The following CA5A variants were observed in gnomAD, a reference collection of about 807,000 sequenced individuals.
CA5A encodes carbonic anhydrase 5A.
Under a neutral mutation model 37.1 loss-of-function variants are expected in CA5A, and 28 were observed. The observed-to-expected ratio is 0.75, with a 90% confidence interval of 0.56 to 1.03. The LOEUF is 1.03. CA5A is among the 50% of genes least tolerant of loss of function. CA5A has a pLI of 0.00. For missense variants in CA5A, 444 were observed against 399.9 expected (o/e 1.11, Z -0.94); for synonymous variants, 171 against 158.4 (o/e 1.08, Z -0.60).
chr16:87,894,573 TAA>T (rs55721035), intron 5 of CA5A, among the ~76,000 whole-genome samples: 18 of 144,730 alleles, frequency 1.2e-4, no homozygotes, highest in African/African-American at 2.5e-4. Context: ...TCCAGTTAAT[TAA>T]AAAAAAAAAA....
At chr16:87,900,467 C>G (rs529608862) in intron 5 of CA5A, among the ~76,000 whole-genome samples, 1 of 152,374 alleles carries the variant, frequency 6.6e-6, no homozygotes, top group African/African-American at 2.4e-5. Context: ...TCCATCTGGA[C>G]CAGCCTCCAC....
intron 5 of CA5A, among the ~76,000 whole-genome samples, chr16:87,893,924 T>C (rs1473075424): frequency 6.6e-6 from 1 of 151,990 alleles, no homozygotes; most frequent in African/African-American, 2.4e-5. Flanking sequence ...ACACCAGGGT[T>C]TAAAATTAAT....
downstream of CA5A, chr16:87,887,605 G>C (rs2055658908): frequency 2.0e-5 from 3 of 153,404 alleles, no homozygotes; most frequent in African/African-American, 4.8e-5. Flanking sequence ...TATAGAGATG[G>C]GGTTTCACCG....
intron 6 of CA5A, among the ~76,000 whole-genome samples, chr16:87,889,070 C>A (rs1391809369): frequency 6.6e-6 from 1 of 152,104 alleles, no homozygotes; most frequent in Non-Finnish European, 1.5e-5. Context: ...CAGGCATGCA[C>A]CACCATGCCC....
At chr16:87,927,938 G>T (rs551456113) in intron 1 of CA5A, among the ~76,000 whole-genome samples, 2 of 151,778 alleles carry the variant, frequency 1.3e-5, no homozygotes, top group East Asian at 3.9e-4. Context: ...GTGTGTGTCT[G>T]CCCCACCTGT....
intron 1 of CA5A, among the ~76,000 whole-genome samples, chr16:87,933,243 A>G (rs927292871): frequency 1.3e-5 from 2 of 152,262 alleles, no homozygotes; most frequent in African/African-American, 4.8e-5. Context: ...AGGGTTTGCC[A>G]ATGACTGTGG....
chr16:87,914,752 G>A (rs554098138), intron 2 of CA5A, among the ~76,000 whole-genome samples: 1 of 152,316 alleles, frequency 6.6e-6, no homozygotes, highest in African/African-American at 2.4e-5. Context: ...AGGTGGTCAG[G>A]ACCTCAGCTG....
At chr16:87,889,719 C>T (rs1435665114) in intron 6 of CA5A, among the ~76,000 whole-genome samples, 2 of 151,572 alleles carry the variant, frequency 1.3e-5, no homozygotes, top group Non-Finnish European at 2.9e-5. Flanking sequence ...TTGTGGTGAG[C>T]GAGATCACGC....
intron 1 of CA5A, among the ~76,000 whole-genome samples, chr16:87,931,484 G>A (rs796341915): frequency 1.3e-5 from 2 of 152,308 alleles, no homozygotes; most frequent in South Asian, 4.1e-4. Flanking sequence ...AACCCTGGCG[G>A]CTCTCCCCAC....
chr16:87,905,747 C>T (rs144827312), intron 2 of CA5A, among the ~76,000 whole-genome samples: 66 of 152,358 alleles, frequency 4.3e-4, no homozygotes, highest in Middle Eastern at 3.4e-3. Context: ...CACCACAGGG[C>T]CAGCTTTTAT....
intron 1 of CA5A, among the ~76,000 whole-genome samples, chr16:87,935,150 C>T (rs1845737415): frequency 6.6e-6 from 1 of 152,210 alleles, no homozygotes. Flanking sequence ...GGGTCTGGCT[C>T]CTAAGCCCAT....
chr16:87,883,149 T>G (rs908168555), downstream of CA5A: 3 of 152,060 alleles, frequency 2.0e-5, no homozygotes, highest in Admixed American at 1.3e-4. Context: ...GCCTCCACAG[T>G]AGCTGGGATT....
Position 87,926,647 on chromosome 16 carries a change from C to T in CA5A, c.340+101G>A, listed in dbSNP as rs1358053903. ...CCCTGCCCCAGCAGCACAAGGAAAG[C>T]AGCACCTTCCTGCTCTCCTCCCCCT... On this transcript the variant is annotated intron_variant, in intron 2 of 6. Transcript: ENST00000649794. 4 of 906,472 alleles carry T rather than the reference C, an allele frequency of 4.4e-6. No homozygotes were observed. In the African/African-American group the frequency reaches 4.9e-5, roughly 11 times the overall value. 56.2% of individuals were successfully genotyped at this position (906,472 alleles called of 1,614,324 possible).
Position 87,911,038 on chromosome 16 carries a change from T to C in CA5A, c.341-6134A>G, listed in dbSNP as rs1254761160. 6.6e-6 allele frequency among the ~76,000 whole-genome samples: 1 copy of C among 150,450 alleles called. No individual in the cohort carries two copies. Among genetic ancestry groups the C allele is most frequent in the Non-Finnish European group, 1.5e-5 (1 of 67,842 alleles). ...TGCTGGGATTACAAGCATGAGCCAC[T>C]GTGCCCAGCCTAAAGTGACTTTTCA... On this transcript the variant is annotated intron_variant, in intron 2 of 6. Transcript: ENST00000649794. This position sits in a 1 kb window ranked among gnomAD's most constrained non-coding sequence, Gnocchi z 4.6.
intron 2 of CA5A, among the ~76,000 whole-genome samples, chr16:87,916,102 A>G (rs1013609465): frequency 4.1e-5 from 6 of 148,016 alleles, no homozygotes; most frequent in East Asian, 2.0e-4. Context: ...CGGGAGGTGG[A>G]GCTTGCAGTG....
chr16:87,917,479 T>C (rs2056162953), intron 2 of CA5A, among the ~76,000 whole-genome samples: 1 of 152,118 alleles, frequency 6.6e-6, no homozygotes, highest in South Asian at 2.1e-4. Flanking sequence ...AAAATATCTG[T>C]AGAGAGAGAG....
chr16:87,919,011 C>G (rs2056193933), intron 2 of CA5A, among the ~76,000 whole-genome samples: 1 of 152,156 alleles, frequency 6.6e-6, no homozygotes, highest in African/African-American at 2.4e-5. Flanking sequence ...GGACGGGAGC[C>G]AAAGGAGGGA....
At chr16:87,912,713 T>G (rs922439611) in intron 2 of CA5A, among the ~76,000 whole-genome samples, 20 of 152,308 alleles carry the variant, frequency 1.3e-4, no homozygotes, top group Admixed American at 1.1e-3. Context: ...CTAAACTTGC[T>G]TGGGACGCCC....
At position 87,926,917 on chromosome 16, in the gene CA5A, G is replaced by T; in HGVS notation, c.171C>A (p.Ser57=). Residue 57 remains serine (S), a synonymous_variant, in exon 2 of 7, where the codon TCC becomes TCA. Transcript: ENST00000649794. Reference sequence around the variant, plus strand: ...GAGACTGCCGGGTGCCCCCTGGCACGGAGACCGGGACCGTCCAGAGTGGGT... The same window carrying T: ...GAGACTGCCGGGTGCCCCCTGGCACTGAGACCGGGACCGTCCAGAGTGGGT... The part of the protein sequence containing the change: ...TLHPLWTVPV[S]VPGGTRQSPI... 3.8e-6 allele frequency: 6 copies of T among 1,594,874 alleles called. No individual in the cohort carries two copies. Among genetic ancestry groups the T allele is most frequent in the Non-Finnish European group, 5.1e-6 (6 of 1,169,620 alleles).
Sources: allele counts gnomAD v4.1 joint callset (sites outside exome capture counted in the v4.1 genomes callset), GRCh38; gene constraint gnomAD v4.1.1; non-coding constraint Gnocchi (gnomAD v3.1); transcripts MANE v1.5; gene names NCBI Gene and HGNC (gene_info 2026-07-23, HGNC 2026-07-21).